The following OR5K1 variants were observed in gnomAD, a reference collection of about 807,000 sequenced individuals.
OR5K1 encodes olfactory receptor family 5 subfamily K member 1.
In OR5K1, 7 loss-of-function variants were observed where a neutral mutation model predicts 10.4. The observed-to-expected ratio is 0.67, with a 90% CI of 0.38 to 1.26. The LOEUF (loss-of-function observed/expected upper bound fraction) is 1.26. Ranked by LOEUF, OR5K1 falls within the 50% of genes most tolerant of loss-of-function variation. The probability of loss-of-function intolerance (pLI) is 0.02; values close to 1 mark genes in which losing one functional copy is unlikely to be tolerated. For synonymous variants in OR5K1, 135 were observed against 128.5 expected (o/e 1.05, Z -0.34); for missense variants, 435 against 366.2 (o/e 1.19, Z -1.53).
chr3:98,468,755 T>G (rs1176914322), intron 1 of OR5K1, among the ~76,000 whole-genome samples: 2 of 152,108 alleles, frequency 1.3e-5, no homozygotes. Flanking sequence ...TTTTGACTAT[T>G]ATGAATAATG....
intron 1 of OR5K1, among the ~76,000 whole-genome samples, chr3:98,465,651 G>C (rs1705362913): frequency 6.6e-6 from 1 of 151,888 alleles, no homozygotes; most frequent in Non-Finnish European, 1.5e-5. Flanking sequence ...TAGCCTCATA[G>C]CTATTTTAAA....
rs746929276 is a variant in OR5K1 at position 98,470,122 on chromosome 3, T to G, written c.546T>G (p.Leu182=). The change falls in exon 2 of 2, where the codon CTT becomes CTG. Residue 182 remains leucine, a synonymous_variant. Coordinates refer to ENST00000642057, the MANE Select transcript of OR5K1 (RefSeq NM_001004736.4). ...TCAACCACTTTTACTGTGATATTCT[T>G]CCCTTGTATAGACTCTCTTGTGTTG... The part of the protein sequence containing the change: ...NHINHFYCDI[L]PLYRLSCVDP... The G allele has an allele frequency of 6.2e-7, 1 of 1,613,632 alleles. No individual in the cohort carries two copies. The highest frequency in any genetic ancestry group is 2.2e-5 in the East Asian group (1 of 44,866).
At chr3:98,463,502 A>G (rs564084720) in intron 1 of OR5K1, among the ~76,000 whole-genome samples, 195 bp downstream of exon 1, 4 of 152,284 alleles carry the variant, frequency 2.6e-5, no homozygotes, top group African/African-American at 9.6e-5. Context: ...TCACTTCTGA[A>G]TTCAACAGAA....
rs1169777099 is a variant in OR5K1 at position 98,466,155 on chromosome 3, T to C, written c.-12+2848T>C. Among the ~76,000 whole-genome samples the C allele has an allele frequency of 6.7e-5, 10 of 149,414 alleles. 2 individuals are homozygous for C. The highest frequency in any genetic ancestry group is 2.5e-4 in the African/African-American group (10 of 40,386). On this transcript the variant is annotated intron_variant, in intron 1 of 1. Coordinates refer to ENST00000642057, the MANE Select transcript of OR5K1 (RefSeq NM_001004736.4). ...TGAGTGAGAATATGCAGTGTTTGGT[T>C]TTTTGTTCTTGCGATAGTTTACTGA...
At chr3:98,464,934 C>G (rs1705353463) in intron 1 of OR5K1, among the ~76,000 whole-genome samples, 1 of 152,090 alleles carries the variant, frequency 6.6e-6, no homozygotes, top group Non-Finnish European at 1.5e-5. Flanking sequence ...TTGTGAAGTG[C>G]AGAAAACATT....
At chr3:98,464,484 GGTA>G (rs1705347580) in intron 1 of OR5K1, among the ~76,000 whole-genome samples, 1 of 152,038 alleles carries the variant, frequency 6.6e-6, no homozygotes. Context: ...AAAGCAAGTA[GGTA>G]GCATAAAGCA....
chr3:98,464,783 A>G (rs570408493), intron 1 of OR5K1, among the ~76,000 whole-genome samples: 2 of 152,330 alleles, frequency 1.3e-5, no homozygotes, highest in Non-Finnish European at 2.9e-5. Flanking sequence ...GCATTACCAC[A>G]TGATGTGGAC....
rs1296272895 is a variant in OR5K1, at chr3:98,469,963, A to C, written c.387A>C (p.Pro129=). The change falls in exon 2 of 2, where the codon CCA becomes CCC. Residue 129 remains proline (P), a synonymous_variant. Coordinates refer to ENST00000642057, the MANE Select transcript of OR5K1 (RefSeq NM_001004736.4). The part of the protein sequence containing the change: ...AYDRYVAICN[P]LQYHIMMSKK... ...ACCGCTATGTGGCCATATGCAACCC[A>C]CTGCAGTACCACATCATGATGTCCA... 6.2e-7 allele frequency: 1 copy of C among 1,613,586 alleles called. No homozygotes were observed. Among genetic ancestry groups the C allele is most frequent in the African/African-American group, 1.3e-5 (1 of 74,896 alleles).
At chr3:98,468,418 T>C (rs558826770) in intron 1 of OR5K1, among the ~76,000 whole-genome samples, 2 of 152,206 alleles carry the variant, frequency 1.3e-5, no homozygotes, top group East Asian at 3.9e-4. Flanking sequence ...AATACAGCCA[T>C]CACCACTACT....
intron 1 of OR5K1, among the ~76,000 whole-genome samples, chr3:98,464,734 A>C (rs1705351237): frequency 6.6e-6 from 1 of 152,214 alleles, no homozygotes; most frequent in Non-Finnish European, 1.5e-5. Context: ...GTTGACACCA[A>C]AGAGATATTG....
chr3:98,464,973 TAATC>T (rs1340122787), intron 1 of OR5K1, among the ~76,000 whole-genome samples: 5 of 152,186 alleles, frequency 3.3e-5, no homozygotes, highest in South Asian at 2.1e-4. Flanking sequence ...ATTGTGCACT[TAATC>T]AAGTTATAAA....
intron 1 of OR5K1, 23 bp downstream of exon 1, chr3:98,463,330 T>A (rs565601289): frequency 6.6e-6 from 1 of 152,342 alleles, no homozygotes; most frequent in Non-Finnish European, 1.5e-5. Flanking sequence ...TTAAAACTTA[T>A]TTTTGCTAGA....
Position 98,470,658 on chromosome 3 carries a change from G to A in OR5K1, c.*155G>A, listed in dbSNP as rs952418454. ...TTCAAATTAAGTGGCAAGAGGTAAG[G>A]GTAGAATATACAAAAAAGAGTAAAC... On this transcript the variant is annotated 3_prime_UTR_variant, in exon 2 of 2. Transcript: ENST00000642057. 1.1e-5 allele frequency: 5 copies of A among 471,440 alleles called. No homozygotes were observed. Among genetic ancestry groups the A allele is most frequent in the South Asian group, 4.0e-5 (1 of 25,288 alleles). 29.2% of individuals were successfully genotyped at this position (471,440 alleles called of 1,614,324 possible). A position where few individuals can be genotyped will look rare whatever the true frequency, so the allele number is the denominator to read the frequency against.
At position 98,469,533 on chromosome 3, in the gene OR5K1, T is replaced by G. The variant is rs772850301; in HGVS notation, c.-11-33T>G. On this transcript the variant is annotated intron_variant, in intron 1 of 1. Transcript: ENST00000642057. ...CTAAATAACTGTGGCATATTATAAA[T>G]TAGTGCCTTCTTTCTCCACAATTTT... 2.5e-6 allele frequency: 4 copies of G among 1,569,880 alleles called. No individual in the cohort carries two copies. In the African/African-American group the frequency reaches 5.4e-5, roughly 21 times the overall value.
chr3:98,469,357 TA>T, intron 1 of OR5K1: 1 of 572,558 alleles, frequency 1.7e-6, no homozygotes, highest in Non-Finnish European at 3.1e-6. Context: ...AAAATGATTT[TA>T]AAAGGTACTG....
chr3:98,469,520 G>T, intron 1 of OR5K1, 46 bp from the exon 2 acceptor site: 1 of 1,527,268 alleles, frequency 6.5e-7, no homozygotes. Context: ...AAATAACTGT[G>T]GCATATTATA....
Position 98,472,759 on chromosome 3 carries a change from A to C in OR5K1, c.*2256A>C, listed in dbSNP as rs369287025. ...CTGGCCTCCTTTTCTTATATCAAAA[A>C]ATGTGAACTGCCCTGGTTACTGTCT... On this transcript the variant is annotated 3_prime_UTR_variant, in exon 2 of 2. Coordinates refer to ENST00000642057, the MANE Select transcript of OR5K1 (RefSeq NM_001004736.4). The C allele has an allele frequency of 2.0e-5, 3 of 151,978 alleles. No homozygotes were observed. Among genetic ancestry groups the C allele is most frequent in the Admixed American group, 6.6e-5 (1 of 15,200 alleles). 9.4% of individuals were successfully genotyped at this position (151,978 alleles called of 1,614,324 possible).
intron 1 of OR5K1, among the ~76,000 whole-genome samples, chr3:98,464,886 T>G (rs1327112981): frequency 6.6e-6 from 1 of 152,214 alleles, no homozygotes; most frequent in Non-Finnish European, 1.5e-5. Context: ...AGTAGGCATT[T>G]GCTCAATGAA....
Position 98,466,135 on chromosome 3 carries a change from G to A in OR5K1, c.-12+2828G>A, listed in dbSNP as rs558613693. On this transcript the variant is annotated intron_variant, in intron 1 of 1. Transcript: ENST00000642057. ...CATTGTTCAATTCCCACCTATGAGT[G>A]AGAATATGCAGTGTTTGGTTTTTTG... Among the ~76,000 whole-genome samples the A allele has an allele frequency of 3.8e-3, 566 of 150,448 alleles. 9 individuals carry two copies. Among genetic ancestry groups the A allele is most frequent in the African/African-American group, 0.013 (543 of 40,766 alleles).
Sources: gnomAD v4.1 joint callset for allele counts (sites outside exome capture counted in the v4.1 genomes callset) on GRCh38, gnomAD v4.1.1 for gene constraint, MANE v1.5 for transcripts, NCBI Gene and HGNC (gene_info 2026-07-23, HGNC 2026-07-21) for gene names.